Variants in SPTBN4 observed in about 807,000 individuals in gnomAD.
The protein encoded by SPTBN4 is spectrin beta, non-erythrocytic 4, also known as spectrin beta chain, non-erythrocytic 4.
A neutral mutation model predicts 277.8 loss-of-function variants in SPTBN4; 96 were observed. The observed-to-expected ratio is 0.35, with a 90% CI of 0.29 to 0.41. The LOEUF (loss-of-function observed/expected upper bound fraction) is 0.41. Ranked by LOEUF, SPTBN4 falls within the 10% of genes least tolerant of loss-of-function variation. The pLI is 1.00. For missense variants in SPTBN4, 3,006 were observed against 3,595.7 expected, an observed-to-expected ratio of 0.84 and a Z score of 4.19; for synonymous variants, 1,481 against 1,580.3, an observed-to-expected ratio of 0.94 and a Z score of 1.49.
chr19:40,573,436 C>T (rs1027538890), intron 35 of SPTBN4, among the ~76,000 whole-genome samples: 4 of 152,202 alleles, frequency 2.6e-5, no homozygotes, highest in Non-Finnish European at 2.9e-5. Flanking sequence ...CAGAAAGGTT[C>T]CCAGGAGATA....
intron 32 of SPTBN4, among the ~76,000 whole-genome samples, chr19:40,570,003 GAC>G (rs1275565251): frequency 1.6e-5 from 2 of 121,334 alleles, no homozygotes; most frequent in Admixed American, 1.6e-4. Flanking sequence ...CACACACACA[GAC>G]ACACAGACAC....
intron 19 of SPTBN4, among the ~76,000 whole-genome samples, chr19:40,533,584 G>A (rs2145899974): frequency 6.6e-6 from 1 of 152,256 alleles, no homozygotes; most frequent in Non-Finnish European, 1.5e-5. Flanking sequence ...TTTCATAAAT[G>A]GTGGCATATG....
chr19:40,484,941 ACAAAAC>A (rs1284378417), intron 2 of SPTBN4, among the ~76,000 whole-genome samples: 80 of 133,232 alleles, frequency 6.0e-4, no homozygotes, highest in African/African-American at 2.9e-3. Flanking sequence ...CAAAAAAAAA[ACAAAAC>A]AAAAACCAAA....
chr19:40,510,165 C>T (rs2145860593), intron 13 of SPTBN4, among the ~76,000 whole-genome samples: 1 of 152,230 alleles, frequency 6.6e-6, no homozygotes, highest in Middle Eastern at 3.4e-3. Context: ...CTAGGGCAAT[C>T]CTTCCCCTCT....
intron 35 of SPTBN4, among the ~76,000 whole-genome samples, chr19:40,573,664 C>T (rs1363861676): frequency 1.3e-5 from 2 of 151,582 alleles, no homozygotes; most frequent in African/African-American, 2.4e-5. Flanking sequence ...AACCCCATCT[C>T]TTATGGTGCA....
chr19:40,497,674 C>A, intron 7 of SPTBN4, 70 bp downstream of exon 7: 1 of 1,246,812 alleles, frequency 8.0e-7, no homozygotes, highest in South Asian at 1.2e-5. Context: ...ATGTCACACT[C>A]AACTCCATCC....
intron 20 of SPTBN4, among the ~76,000 whole-genome samples, chr19:40,545,956 T>G (rs1336028794): frequency 3.3e-5 from 5 of 149,524 alleles, no homozygotes; most frequent in Non-Finnish European, 7.4e-5. Flanking sequence ...GGCAGGAGAA[T>G]GCCGTGAACC....
intron 2 of SPTBN4, among the ~76,000 whole-genome samples, chr19:40,473,478 C>A (rs2079911164): frequency 6.6e-6 from 1 of 151,784 alleles, no homozygotes; most frequent in Non-Finnish European, 1.5e-5. Context: ...CTGCCTCAGC[C>A]TCCCTAGTAG....
At chr19:40,489,939 A>G in intron 3 of SPTBN4, 136 bp from the exon 4 acceptor site, 20 of 829,156 alleles carry the variant, frequency 2.4e-5, no homozygotes, top group Non-Finnish European at 3.6e-5. Flanking sequence ...GGATAAAACG[A>G]GAGGAGGACA....
At chr19:40,549,042 G>A (rs1599793827) in intron 20 of SPTBN4, 147 bp from the exon 21 acceptor site, 3 of 623,726 alleles carry the variant, frequency 4.8e-6, no homozygotes, top group South Asian at 4.2e-5. Flanking sequence ...CATGCGGAGC[G>A]CATCGCTCCT....
rs1268076994 is a variant in SPTBN4, at chr19:40,487,777, G to A, written c.250G>A (p.Asp84Asn). 1 of 1,613,274 alleles carries A rather than the reference G, an allele frequency of 6.2e-7. No individual in the cohort carries two copies. Among genetic ancestry groups the A allele is most frequent in the African/African-American group, 1.3e-5 (1 of 74,888 alleles). The change falls in exon 3 of 36, where the codon GAC (aspartate) becomes AAC (asparagine). Residue 84 changes from aspartate (D) to asparagine (N), a missense_variant. Asp to Asn is a conservative substitution (Grantham distance 23). This residue lies in a region of SPTBN4 where 114 missense variants were observed against 196.1 expected (regional missense o/e 0.58). Coordinates refer to ENST00000598249, the MANE Select transcript of SPTBN4 (RefSeq NM_020971.3). ...HLARVGCHIGDLYVDLRDGFV... is the reference protein window; with the variant it reads ...HLARVGCHIGNLYVDLRDGFV... ...CGCCCGCGTGGGCTGCCACATCGGG[G>A]ACCTCTATGTGGACCTCCGGGACGG...
rs1030236054 is a variant in SPTBN4 at position 40,515,091 on chromosome 19, C to G, written c.2766-220C>G. Among the ~76,000 whole-genome samples, 2 of 151,560 alleles carry G rather than the reference C, an allele frequency of 1.3e-5. No individual in the cohort carries two copies. The highest frequency in any genetic ancestry group is 2.9e-5 in the Non-Finnish European group (2 of 67,910). ...CTGCACTCCAGCCTGGGTGACAGAG[C>G]GAGACTCTGTCTCAATACATACATA... On this transcript the variant is annotated intron_variant, in intron 14 of 35. Coordinates refer to ENST00000598249, the MANE Select transcript of SPTBN4 (RefSeq NM_020971.3). The surrounding 1 kb of genome is among the most constrained non-coding windows in gnomAD (Gnocchi z 4.1).
intron 32 of SPTBN4, 47 bp from the exon 33 acceptor site, chr19:40,570,389 A>C: frequency 3.5e-6 from 5 of 1,410,302 alleles, no homozygotes; most frequent in East Asian, 2.9e-5. Flanking sequence ...GATGACCCCC[A>C]CACCCTCTCC....
At chr19:40,470,364 G>T (rs958339212) in intron 1 of SPTBN4, among the ~76,000 whole-genome samples, 2 of 151,710 alleles carry the variant, frequency 1.3e-5, no homozygotes, top group Admixed American at 6.6e-5. Context: ...GGAGTGCAGT[G>T]GTGCCATCTT....
At chr19:40,505,984 C>A (rs191009717) in intron 12 of SPTBN4, among the ~76,000 whole-genome samples, 2 of 152,022 alleles carry the variant, frequency 1.3e-5, no homozygotes, top group Non-Finnish European at 2.9e-5. Context: ...GAGAGGGAGA[C>A]AGAGACAGAA....
At chr19:40,474,552 C>G (rs950608989) in intron 2 of SPTBN4, among the ~76,000 whole-genome samples, 3 of 151,718 alleles carry the variant, frequency 2.0e-5, no homozygotes, top group African/African-American at 7.3e-5. Context: ...ACCTCAGCCT[C>G]CTGAATAGCT....
intron 22 of SPTBN4, among the ~76,000 whole-genome samples, chr19:40,553,190 C>T (rs1435195469): frequency 6.6e-6 from 1 of 152,178 alleles, no homozygotes; most frequent in Non-Finnish European, 1.5e-5. Flanking sequence ...ACTCAAGAAT[C>T]GTTGGCTGGC....
chr19:40,473,903 A>T (rs898049748), intron 2 of SPTBN4, among the ~76,000 whole-genome samples: 1 of 151,694 alleles, frequency 6.6e-6, no homozygotes, highest in East Asian at 2.0e-4. Context: ...GCACTTTGGG[A>T]GGCAAAGGTG....
chr19:40,558,132 G>T (rs1248992705), intron 26 of SPTBN4, among the ~76,000 whole-genome samples: 1 of 151,870 alleles, frequency 6.6e-6, no homozygotes, highest in Non-Finnish European at 1.5e-5. Context: ...GGTCGAGGCG[G>T]GCAGATCATG....
Sources: allele counts gnomAD v4.1 joint callset (sites outside exome capture counted in the v4.1 genomes callset), GRCh38; gene constraint gnomAD v4.1.1; regional missense constraint gnomAD v4.1.1; non-coding constraint Gnocchi (gnomAD v3.1); transcripts MANE v1.5; gene names NCBI Gene and HGNC (gene_info 2026-07-23, HGNC 2026-07-21).